B3GLCT: variants seen among roughly 807,000 people sequenced by gnomAD.
The protein encoded by B3GLCT is beta 3-glucosyltransferase.
B3GLCT carries 65 observed loss-of-function variants against 63.4 expected under a neutral mutation model. The observed-to-expected ratio is 1.03, with a 90% CI of 0.84 to 1.26. B3GLCT has a LOEUF of 1.26. Ranked by LOEUF, B3GLCT falls within the 50% of genes most tolerant of loss-of-function variation. The pLI, the probability that B3GLCT is intolerant of heterozygous loss-of-function variation, is 0.00. For synonymous variants in B3GLCT, 233 were observed against 219.2 expected (o/e 1.06, Z -0.55); for missense variants, 577 against 604.8 (o/e 0.95, Z 0.48).
chr13:31,329,677 G>T lies in B3GLCT; in HGVS notation c.*9G>T, dbSNP rs775154921. 1 of 1,614,006 alleles carries T rather than the reference G, an allele frequency of 6.2e-7. No homozygotes were observed. On this transcript the variant is annotated 3_prime_UTR_variant, in exon 15 of 15. Transcript: ENST00000343307. ...TTCGAGAGGAGTTATAAATCAGGGT[G>T]ACCTGTGCGCCTAGCCTGCGCAGGG...
At chr13:31,278,269 GA>G (rs140430867) in intron 10 of B3GLCT, among the ~76,000 whole-genome samples, 211 of 147,900 alleles carry the variant, frequency 1.4e-3, no homozygotes, top group African/African-American at 1.9e-3. Flanking sequence ...CTACAGAAAT[GA>G]AAAAAAAAAT....
intron 1 of B3GLCT, among the ~76,000 whole-genome samples, chr13:31,213,035 T>C (rs778614175): frequency 4.0e-5 from 6 of 150,396 alleles, no homozygotes; most frequent in Admixed American, 2.0e-4. Context: ...TGTGTGTGTG[T>C]GCACGCGTGC....
Position 31,286,797 on chromosome 13 carries a change from G to T in B3GLCT, c.1042G>T (p.Val348Leu). Residue 348 changes from valine (V) to leucine (L), a missense_variant, in exon 12 of 15, where the codon GTG (valine) becomes TTG (leucine). Coordinates refer to ENST00000343307, the MANE Select transcript of B3GLCT (RefSeq NM_194318.4). ...SQDKTAWLVIVDDDTLISISR... is the reference protein window; with the variant it reads ...SQDKTAWLVILDDDTLISISR... ...GGACAAAACAGCATGGTTAGTCATT[G>T]TGGATGATGATACATTAATAAGGTA... 1 of 1,612,004 alleles carries T rather than the reference G, an allele frequency of 6.2e-7. No homozygotes were observed. Among genetic ancestry groups the T allele is most frequent in the Non-Finnish European group, 8.5e-7 (1 of 1,178,290 alleles).
Position 31,199,977 on chromosome 13 carries a change from A to AGAAGGGTCAGCCGCGGCGGC in B3GLCT, c.-107_-88dup, listed in dbSNP as rs1868536954. 3 of 607,066 alleles carry AGAAGGGTCAGCCGCGGCGGC rather than the reference A, an allele frequency of 4.9e-6. No individual in the cohort carries two copies. In the African/African-American group the frequency reaches 5.9e-5, roughly 12 times the overall value. 37.6% of individuals were successfully genotyped at this position (607,066 alleles called of 1,614,324 possible). On this transcript the variant is annotated 5_prime_UTR_variant, in exon 1 of 15. Transcript: ENST00000343307. ...ACGGAGGGAGGAGGGGAGCCGGCAG[A>AGAAGGGTCAGCCGCGGCGGC]GAAGGGTCAGCCGCGGCGGCAGGGC... is the stretch of plus-strand genomic sequence containing the variant.
chr13:31,261,232 G>T, intron 7 of B3GLCT, 150 bp downstream of exon 7: 1 of 845,692 alleles, frequency 1.2e-6, no homozygotes, highest in Non-Finnish European at 1.8e-6. Flanking sequence ...GGAGCCAGAT[G>T]CTTGAGGGTT....
intron 12 of B3GLCT, among the ~76,000 whole-genome samples, chr13:31,289,880 A>G (rs1252516592): frequency 6.7e-6 from 1 of 150,094 alleles, no homozygotes; most frequent in African/African-American, 2.5e-5. Flanking sequence ...TTTTTTTTTA[A>G]TTATACTTTA....
chr13:31,284,551 G>C, intron 10 of B3GLCT, 97 bp from the exon 11 acceptor site: 1 of 764,718 alleles, frequency 1.3e-6, no homozygotes, highest in Admixed American at 1.9e-5. Context: ...AACCAGTAAT[G>C]TTTCTCTTCC....
At chr13:31,327,928 G>C (rs1171984967) in intron 14 of B3GLCT, among the ~76,000 whole-genome samples, 1 of 152,210 alleles carries the variant, frequency 6.6e-6, no homozygotes, top group Non-Finnish European at 1.5e-5. Context: ...ACACTCATCT[G>C]AGCAGTATAT....
intron 14 of B3GLCT, among the ~76,000 whole-genome samples, chr13:31,324,599 G>C (rs982187730): frequency 6.6e-6 from 1 of 152,132 alleles, no homozygotes; most frequent in Non-Finnish European, 1.5e-5. Flanking sequence ...AATAACCATA[G>C]ATCCATACCC....
At chr13:31,264,289 A>G (rs1336336321) in intron 7 of B3GLCT, among the ~76,000 whole-genome samples, 1 of 152,144 alleles carries the variant, frequency 6.6e-6, no homozygotes, top group Non-Finnish European at 1.5e-5. Context: ...AATCTTTTCC[A>G]CAAAGCTCAG....
At chr13:31,243,557 A>G (rs933560348) in intron 4 of B3GLCT, among the ~76,000 whole-genome samples, 4 of 152,202 alleles carry the variant, frequency 2.6e-5, no homozygotes, top group South Asian at 2.1e-4. Flanking sequence ...GTCAAGAATA[A>G]TGACCCTTCT....
intron 12 of B3GLCT, among the ~76,000 whole-genome samples, chr13:31,310,500 C>T (rs1163727346): frequency 6.6e-6 from 1 of 152,182 alleles, no homozygotes; most frequent in African/African-American, 2.4e-5. Context: ...GGGGCCTAGA[C>T]CTCAGGATTC....
intron 4 of B3GLCT, among the ~76,000 whole-genome samples, chr13:31,233,746 G>A (rs573648549): frequency 2.2e-4 from 33 of 152,280 alleles, no homozygotes; most frequent in East Asian, 7.7e-4. Flanking sequence ...AGAACTCAAG[G>A]GGTTCTAATC....
rs764779321 is a variant in B3GLCT, at chr13:31,261,065, T to C, written c.579T>C (p.Ser193=). 6.2e-7 allele frequency: 1 copy of C among 1,613,960 alleles called. No individual in the cohort carries two copies. Among genetic ancestry groups the C allele is most frequent in the South Asian group, 1.1e-5 (1 of 91,034 alleles). Residue 193 remains serine, a synonymous_variant, in exon 7 of 15, where the codon AGT becomes AGC. Coordinates refer to ENST00000343307, the MANE Select transcript of B3GLCT (RefSeq NM_194318.4). ...YPDFAAGWAL[S]IPLVNKLTKR... is the part of the protein sequence containing the mutation. ...ACTTTGCTGCAGGCTGGGCCTTAAG[T>C]ATTCCACTTGTAAACAAGTAAGAAT...
chr13:31,276,462 C>T (rs1423445473), intron 9 of B3GLCT, among the ~76,000 whole-genome samples: 1 of 152,040 alleles, frequency 6.6e-6, no homozygotes, highest in East Asian at 1.9e-4. Context: ...ATTCTGGAAA[C>T]TTGTTAAGGG....
chr13:31,222,852 A>C (rs748117566), intron 2 of B3GLCT, 100 bp from the exon 3 acceptor site: 34 of 823,810 alleles, frequency 4.1e-5, no homozygotes, highest in Non-Finnish European at 6.7e-5. Flanking sequence ...TCTTCCTCCC[A>C]TGTGCTGATA....
At chr13:31,273,466 T>G (rs371295198) in intron 8 of B3GLCT, among the ~76,000 whole-genome samples, 172 of 151,854 alleles carry the variant, frequency 1.1e-3, no homozygotes, top group African/African-American at 4.0e-3. Flanking sequence ...CGTTTTAAAG[T>G]TTTTCTTTTC....
intron 6 of B3GLCT, among the ~76,000 whole-genome samples, chr13:31,257,071 A>T (rs551972358): frequency 1.8e-4 from 27 of 152,322 alleles, no homozygotes; most frequent in African/African-American, 5.3e-4. Context: ...TAATTTTTTT[A>T]AAAGTAGTTT....
Position 31,331,594 on chromosome 13 carries a change from T to C in B3GLCT, c.*1926T>C, listed in dbSNP as rs987170821. 2 of 152,162 alleles carry C rather than the reference T, an allele frequency of 1.3e-5. No homozygotes were observed. Among genetic ancestry groups the C allele is most frequent in the African/African-American group, 2.4e-5 (1 of 41,446 alleles). The allele number at this position is 152,162 out of a possible 1,614,324, so 9.4% of individuals were successfully genotyped here. A position where few individuals can be genotyped will look rare whatever the true frequency, so the allele number is the denominator to read the frequency against. ...GGGGAGGGGAAATGGGGAAAATGAA[T>C]GAATGAAATCAGAAAAAAGTCAGCG... On this transcript the variant is annotated 3_prime_UTR_variant, in exon 15 of 15. Transcript: ENST00000343307.
Sources: allele counts gnomAD v4.1 joint callset (sites outside exome capture counted in the v4.1 genomes callset), GRCh38; gene constraint gnomAD v4.1.1; transcripts MANE v1.5; gene names NCBI Gene and HGNC (gene_info 2026-07-23, HGNC 2026-07-21).